The following HPSE2 variants were observed in gnomAD, a reference collection of about 807,000 sequenced individuals.
HPSE2 encodes the protein heparanase 2 (inactive), also known as inactive heparanase-2.
In HPSE2, 38 loss-of-function variants were observed where a neutral mutation model predicts 60.5. That is an observed-to-expected ratio of 0.63 (90% CI 0.48 to 0.82). HPSE2 has a LOEUF of 0.82. Among genes scored for constraint, HPSE2 ranks in the 40% least tolerant of loss-of-function variants. HPSE2 has a pLI of 0.00. For missense variants in HPSE2, 713 were observed against 740.4 expected (o/e 0.96, Z 0.43); for synonymous variants, 295 against 293.2 (o/e 1.01, Z -0.06).
intron 2 of HPSE2, among the ~76,000 whole-genome samples, chr10:99,204,834 T>C (rs1327444098): frequency 1.3e-5 from 2 of 152,234 alleles, no homozygotes; most frequent in East Asian, 1.9e-4. Context: ...TCACAAAATA[T>C]ATGTAGATAG....
At chr10:98,535,267 T>C (rs1943248696) in intron 9 of HPSE2, among the ~76,000 whole-genome samples, 1 of 152,166 alleles carries the variant, frequency 6.6e-6, no homozygotes, top group Admixed American at 6.5e-5. Context: ...TTGGACAATT[T>C]AGGCTTGACA....
chr10:98,921,909 C>T (rs56166231), intron 3 of HPSE2, among the ~76,000 whole-genome samples: 3,552 of 152,240 alleles, frequency 0.023, 70 homozygotes, highest in Non-Finnish European at 0.036. Context: ...TGGGGAGAGA[C>T]TGGTGTGCTG....
intron 9 of HPSE2, among the ~76,000 whole-genome samples, chr10:98,561,958 G>A (rs1264676249): frequency 6.6e-6 from 1 of 152,204 alleles, no homozygotes; most frequent in African/African-American, 2.4e-5. Flanking sequence ...GTATAGTAAT[G>A]TCTTAGTCCA....
chr10:98,653,529 A>G (rs1485134610), intron 6 of HPSE2, among the ~76,000 whole-genome samples: 4 of 150,400 alleles, frequency 2.7e-5, no homozygotes, highest in Non-Finnish European at 5.9e-5. Flanking sequence ...AAAACATTTT[A>G]TGTGGTTGCC....
chr10:99,246,220 C>T, the HPSE2 span, among the ~76,000 whole-genome samples: 1 of 152,138 alleles, frequency 6.6e-6, no homozygotes, highest in Non-Finnish European at 1.5e-5. Context: ...CAAGGCAATA[C>T]TTAACCAATT....
intron 2 of HPSE2, among the ~76,000 whole-genome samples, chr10:99,209,208 C>T (rs1223250239): frequency 5.3e-5 from 8 of 152,122 alleles, no homozygotes; most frequent in Non-Finnish European, 8.8e-5. Flanking sequence ...TGAGCACATA[C>T]AGAAAATTCT....
chr10:98,697,532 C>T (rs10883166), intron 5 of HPSE2, among the ~76,000 whole-genome samples: 5,832 of 152,188 alleles, frequency 0.038, 250 homozygotes, highest in East Asian at 0.17. Flanking sequence ...ATATGACTGA[C>T]TGGAGTACCT....
chr10:98,471,972 G>T (rs1258474247), intron 11 of HPSE2, among the ~76,000 whole-genome samples: 1 of 152,072 alleles, frequency 6.6e-6, no homozygotes, highest in Non-Finnish European at 1.5e-5. Flanking sequence ...TATCCTCACT[G>T]TTGTTTTCAG....
chr10:98,626,084 C>T (rs1269963699), intron 7 of HPSE2, among the ~76,000 whole-genome samples: 5 of 145,522 alleles, frequency 3.4e-5, no homozygotes, highest in South Asian at 2.1e-4. Flanking sequence ...CCAGCCTGGG[C>T]GACAGAGCGA....
At chr10:99,196,394 G>A (rs1486009558) in intron 2 of HPSE2, among the ~76,000 whole-genome samples, 5 of 151,972 alleles carry the variant, frequency 3.3e-5, no homozygotes, top group Non-Finnish European at 7.4e-5. Flanking sequence ...GCACAGCAAA[G>A]GATTCAACCA....
rs576143051 is a variant in HPSE2, at chr10:98,600,911, G to GTATATATGTGTGTGTGTGTA, written c.1320+13992_1320+13993insTACACACACACACATATATA. ...TATATACGTATATATATGTGTGTGT[G>GTATATATGTGTGTGTGTGTA]TATATATATATATATATATATATAT... On this transcript the variant is annotated intron_variant, in intron 9 of 11. Transcript: ENST00000370552. Among the ~76,000 whole-genome samples the GTATATATGTGTGTGTGTGTA allele has an allele frequency of 1.1e-3, 82 of 73,714 alleles. 1 individual carries two copies. Among genetic ancestry groups the GTATATATGTGTGTGTGTGTA allele is most frequent in the South Asian group, 2.4e-3 (4 of 1,680 alleles). 48.4% of individuals were successfully genotyped at this position (73,714 alleles called of 152,430 possible). A position where few individuals can be genotyped will look rare whatever the true frequency, so the allele number is the denominator to read the frequency against.
chr10:99,200,667 A>G (rs1292786119), intron 2 of HPSE2, among the ~76,000 whole-genome samples: 1 of 103,066 alleles, frequency 9.7e-6, no homozygotes, highest in Admixed American at 1.0e-4. Context: ...AGTATCATCA[A>G]TAATAAAATG....
At chr10:99,202,532 C>T (rs540810214) in intron 2 of HPSE2, among the ~76,000 whole-genome samples, 9 of 152,122 alleles carry the variant, frequency 5.9e-5, no homozygotes, top group Non-Finnish European at 1.2e-4. Flanking sequence ...TCAGTTTCCT[C>T]ATCTTTAAAA....
At chr10:98,597,799 C>T (rs1442731638) in intron 9 of HPSE2, among the ~76,000 whole-genome samples, 4 of 151,558 alleles carry the variant, frequency 2.6e-5, no homozygotes, top group Admixed American at 6.6e-5. Context: ...GGTGAGACCC[C>T]GTCTCTACTA....
At chr10:98,874,992 C>A (rs898172371) in intron 3 of HPSE2, among the ~76,000 whole-genome samples, 1 of 151,902 alleles carries the variant, frequency 6.6e-6, no homozygotes, top group Non-Finnish European at 1.5e-5. Flanking sequence ...TTTTTTGATG[C>A]GCTGCTGGAT....
chr10:98,845,714 G>A (rs1249306489), intron 3 of HPSE2, among the ~76,000 whole-genome samples: 1 of 152,190 alleles, frequency 6.6e-6, no homozygotes, highest in Non-Finnish European at 1.5e-5. Context: ...TCTCTGATGT[G>A]GCTGGGAGCA....
At chr10:98,862,661 G>A (rs989888583) in intron 3 of HPSE2, among the ~76,000 whole-genome samples, 2 of 152,106 alleles carry the variant, frequency 1.3e-5, no homozygotes, top group African/African-American at 2.4e-5. Flanking sequence ...ATAAAACATC[G>A]GAATTGTACA....
At chr10:99,150,842 T>TA (rs1178175811) in intron 2 of HPSE2, among the ~76,000 whole-genome samples, 3 of 151,814 alleles carry the variant, frequency 2.0e-5, no homozygotes, top group Admixed American at 6.6e-5. Context: ...GAAAAAGACC[T>TA]AAAAAATGCC....
chr10:99,112,715 G>A (rs1844518509), intron 3 of HPSE2, among the ~76,000 whole-genome samples: 1 of 152,052 alleles, frequency 6.6e-6, no homozygotes, highest in South Asian at 2.1e-4. Context: ...TTTCAGATTT[G>A]TAAATTTTCT....
Sources: allele counts gnomAD v4.1 joint callset (sites outside exome capture counted in the v4.1 genomes callset), GRCh38; gene constraint gnomAD v4.1.1; transcripts MANE v1.5; gene names NCBI Gene and HGNC (gene_info 2026-07-23, HGNC 2026-07-21).